Variants in TMEM108 observed in about 807,000 individuals in gnomAD.
The protein encoded by TMEM108 is cancer/testis antigen 124.
TMEM108 carries 12 observed loss-of-function variants against 35.1 expected under a neutral mutation model. The ratio of observed to expected loss-of-function variants is 0.34; its 90% CI spans 0.22 to 0.55. The LOEUF (loss-of-function observed/expected upper bound fraction) is 0.55, where lower values mean the gene tolerates loss of function less well. TMEM108 is among the 20% of genes least tolerant of loss of function. The pLI is 0.89. For synonymous variants in TMEM108, 287 were observed against 308.6 expected (o/e 0.93, Z 0.73); for missense variants, 680 against 753.3 (o/e 0.90, Z 1.14).
chr3:133,174,013 G>A lies in TMEM108; in HGVS notation c.-46-55253G>A, dbSNP rs149479077. On this transcript the variant is annotated intron_variant, in intron 2 of 5. Coordinates refer to ENST00000321871, the MANE Select transcript of TMEM108 (RefSeq NM_023943.4). ...CACTTTTCCAATGGTCTTAGCAAAC[G>A]GCACACCAGGAGATTATATCCCGCT... Among the ~76,000 whole-genome samples the A allele has an allele frequency of 3.9e-5, 6 of 152,314 alleles. No individual in the cohort carries two copies. The East Asian group carries it at 7.7e-4, about 20-fold the overall frequency.
chr3:133,165,063 C>T (rs1945017815), intron 2 of TMEM108, among the ~76,000 whole-genome samples: 1 of 152,142 alleles, frequency 6.6e-6, no homozygotes, highest in Admixed American at 6.5e-5. Flanking sequence ...ATATGAAATG[C>T]CATTTGATTC....
intron 2 of TMEM108, among the ~76,000 whole-genome samples, chr3:133,138,498 T>G (rs1559844559): frequency 1.3e-5 from 2 of 152,288 alleles, no homozygotes; most frequent in South Asian, 2.1e-4. Flanking sequence ...TGAGATTTTT[T>G]TGTGTGTGAT....
intron 3 of TMEM108, among the ~76,000 whole-genome samples, chr3:133,331,388 C>T (rs1042385783): frequency 2.0e-5 from 3 of 152,106 alleles, no homozygotes; most frequent in African/African-American, 7.2e-5. Flanking sequence ...AGGTCTCTCC[C>T]ATTGTTGATT....
At chr3:133,362,790 G>A (rs1268165490) in intron 3 of TMEM108, among the ~76,000 whole-genome samples, 3 of 152,176 alleles carry the variant, frequency 2.0e-5, no homozygotes, top group Non-Finnish European at 4.4e-5. Flanking sequence ...AACCTGGGTT[G>A]TCCATCTGCC....
intron 3 of TMEM108, among the ~76,000 whole-genome samples, chr3:133,373,083 C>T (rs1459856617): frequency 6.6e-6 from 1 of 152,184 alleles, no homozygotes; most frequent in East Asian, 1.9e-4. Flanking sequence ...AAAAAGAACA[C>T]TGGCCAGGCA....
At chr3:133,332,479 G>A (rs1211567254) in intron 3 of TMEM108, among the ~76,000 whole-genome samples, 1 of 152,188 alleles carries the variant, frequency 6.6e-6, no homozygotes, top group Non-Finnish European at 1.5e-5. Flanking sequence ...TGTAATATGT[G>A]GCAGGAGATA....
chr3:133,086,623 G>T (rs1023558492), intron 2 of TMEM108, among the ~76,000 whole-genome samples: 5 of 152,156 alleles, frequency 3.3e-5, no homozygotes, highest in Admixed American at 2.0e-4. Flanking sequence ...TTTATTAGAT[G>T]AGGTACACTC....
intron 4 of TMEM108, among the ~76,000 whole-genome samples, chr3:133,382,185 G>A (rs777579625): frequency 6.6e-6 from 1 of 152,040 alleles, no homozygotes; most frequent in Middle Eastern, 3.2e-3. Flanking sequence ...ACCCCTTCCA[G>A]GGATGGCCAC....
intron 2 of TMEM108, among the ~76,000 whole-genome samples, chr3:133,057,790 T>C (rs1943488752): frequency 6.6e-6 from 1 of 152,170 alleles, no homozygotes; most frequent in South Asian, 2.1e-4. Flanking sequence ...AGAAATATTA[T>C]CTAGTTTAAC....
intron 2 of TMEM108, among the ~76,000 whole-genome samples, chr3:133,056,225 C>G (rs147712424): frequency 6.9e-6 from 1 of 145,380 alleles, no homozygotes; most frequent in Non-Finnish European, 1.5e-5. Flanking sequence ...TTCTGAATTT[C>G]TTTCTACTCT....
In TMEM108 at chr3:133,133,008, C is replaced by G. The variant is rs1851156; in HGVS notation, c.-47+86988C>G. Among the ~76,000 whole-genome samples, 734 of 152,274 alleles carry G rather than the reference C, an allele frequency of 4.8e-3. 13 individuals carry two copies. The highest frequency in any genetic ancestry group is 0.031 in the East Asian group (162 of 5,182). ...ACATATGACTGAATTTCTGCAATCT[C>G]ATGATAAAACTTGAAGGGATGAAGA... is the stretch of plus-strand genomic sequence containing the variant. On this transcript the variant is annotated intron_variant, in intron 2 of 5. Coordinates refer to ENST00000321871, the MANE Select transcript of TMEM108 (RefSeq NM_023943.4).
chr3:133,088,736 A>G (rs956694950), intron 2 of TMEM108, among the ~76,000 whole-genome samples: 4 of 152,070 alleles, frequency 2.6e-5, no homozygotes, highest in Non-Finnish European at 4.4e-5. Context: ...TGCTAGATTG[A>G]CTCCAAGAGC....
intron 1 of TMEM108, chr3:133,041,730 A>G (rs541877150): frequency 2.0e-5 from 3 of 152,324 alleles, no homozygotes; most frequent in Admixed American, 6.5e-5. Context: ...TAAACATAAT[A>G]ATCATGATTT....
At chr3:133,098,357 C>T (rs1375488848) in intron 2 of TMEM108, among the ~76,000 whole-genome samples, 3 of 152,170 alleles carry the variant, frequency 2.0e-5, no homozygotes, top group Non-Finnish European at 2.9e-5. Context: ...GGGTCCCTCC[C>T]ACAACACATG....
rs1453015162 is a variant in TMEM108, at chr3:133,203,327, A to T, written c.-46-25939A>T. Among the ~76,000 whole-genome samples, 4 of 152,266 alleles carry T rather than the reference A, an allele frequency of 2.6e-5. No homozygotes were observed. In the East Asian group the frequency reaches 7.7e-4, roughly 29 times the overall value. On this transcript the variant is annotated intron_variant, in intron 2 of 5. Transcript: ENST00000321871. ...TGCCCTGGCCAGAACTTCGAATACT[A>T]TGTTGAACAGGAGTGGTGAGAGAGG...
At chr3:133,218,126 C>G (rs1945936050) in intron 2 of TMEM108, among the ~76,000 whole-genome samples, 1 of 151,838 alleles carries the variant, frequency 6.6e-6, no homozygotes. Context: ...TACAGGTCTT[C>G]CATCTTCTTG....
intron 3 of TMEM108, among the ~76,000 whole-genome samples, chr3:133,285,529 G>T (rs148687345): frequency 6.6e-6 from 1 of 152,142 alleles, no homozygotes; most frequent in African/African-American, 2.4e-5. Flanking sequence ...GCACGCACAG[G>T]CAGCTTGGTT....
At position 133,093,505 on chromosome 3, in the gene TMEM108, A is replaced by G. The variant is rs139557913; in HGVS notation, c.-47+47485A>G. Among the ~76,000 whole-genome samples, 90 of 152,244 alleles carry G rather than the reference A, an allele frequency of 5.9e-4. 1 individual carries two copies. The highest frequency in any genetic ancestry group is 6.8e-3 in the Middle Eastern group (2 of 294). ...GACTGGTTCTCCATCTTTGTTATGTATATGGTCTTGGCCAAGTCACTGTAT... is the reference window on the plus strand; with the variant it reads ...GACTGGTTCTCCATCTTTGTTATGTGTATGGTCTTGGCCAAGTCACTGTAT... On this transcript the variant is annotated intron_variant, in intron 2 of 5. Transcript: ENST00000321871.
At chr3:133,299,854 T>C (rs1369140514) in intron 3 of TMEM108, among the ~76,000 whole-genome samples, 2 of 152,180 alleles carry the variant, frequency 1.3e-5, no homozygotes, top group Non-Finnish European at 2.9e-5. Flanking sequence ...CAATTATAAA[T>C]GTAATTACCA....
Sources: allele counts gnomAD v4.1 joint callset (sites outside exome capture counted in the v4.1 genomes callset), GRCh38; gene constraint gnomAD v4.1.1; transcripts MANE v1.5; gene names NCBI Gene and HGNC (gene_info 2026-07-23, HGNC 2026-07-21).